EDNRB: variants seen among roughly 807,000 people sequenced by gnomAD.
The protein encoded by EDNRB is Hirschsprung disease 2.
In EDNRB, 18 loss-of-function variants were observed where a neutral mutation model predicts 46.4. That is an observed-to-expected ratio of 0.39 (90% CI 0.27 to 0.57). EDNRB has a LOEUF of 0.57. Ranked by LOEUF, EDNRB falls within the 20% of genes least tolerant of loss-of-function variation. The pLI, the probability that EDNRB is intolerant of heterozygous loss-of-function variation, is 0.61. For missense variants in EDNRB, 434 were observed against 537.5 expected, an observed-to-expected ratio of 0.81 and a Z score of 1.90; for synonymous variants, 213 against 204.9, an observed-to-expected ratio of 1.04 and a Z score of -0.34.
In EDNRB at chr13:77,917,202, C is replaced by T. The variant is rs1594372461; in HGVS notation, c.483+889G>A. Among the ~76,000 whole-genome samples, 3 of 152,248 alleles carry T rather than the reference C, an allele frequency of 2.0e-5. No individual in the cohort carries two copies. The South Asian group carries it at 6.2e-4, about 32-fold the overall frequency. On this transcript the variant is annotated intron_variant, in intron 1 of 6. Coordinates refer to ENST00000646607, the MANE Select transcript of EDNRB (RefSeq NM_001122659.3). ...TGGAACCTGACAGATTGGGTCTGAT[C>T]CCCAGCTCCACCTCTAATTCATTTA...
intron 1 of EDNRB, among the ~76,000 whole-genome samples, chr13:77,911,680 T>C (rs1007881495): frequency 6.6e-6 from 1 of 152,038 alleles, no homozygotes; most frequent in Non-Finnish European, 1.5e-5. Context: ...TCTCTCCCTC[T>C]CTCCCATCCA....
intron 1 of EDNRB, among the ~76,000 whole-genome samples, chr13:77,940,745 C>A (rs1236964012): frequency 6.8e-6 from 1 of 146,532 alleles, no homozygotes; most frequent in Non-Finnish European, 1.5e-5. Context: ...GTGTGTAGGT[C>A]ATGATGCACA....
chr13:77,952,088 G>T (rs1220489433), intron 1 of EDNRB, among the ~76,000 whole-genome samples: 1 of 152,154 alleles, frequency 6.6e-6, no homozygotes, highest in Non-Finnish European at 1.5e-5. Flanking sequence ...CAGATCCCAA[G>T]AGAGGGCTCT....
chr13:77,943,044 G>T (rs1594388512), intron 1 of EDNRB, among the ~76,000 whole-genome samples: 1 of 152,204 alleles, frequency 6.6e-6, no homozygotes, highest in Non-Finnish European at 1.5e-5. Flanking sequence ...GTCTAAAATA[G>T]AAATCAATTC....
At chr13:77,969,250 A>G (rs1160746165) in intron 1 of EDNRB, among the ~76,000 whole-genome samples, 1 of 152,214 alleles carries the variant, frequency 6.6e-6, no homozygotes, top group Non-Finnish European at 1.5e-5. Flanking sequence ...GTTCATTTTA[A>G]AAGTTAATTC....
chr13:77,964,179 TA>T (rs1881511755), intron 1 of EDNRB, among the ~76,000 whole-genome samples: 1 of 152,216 alleles, frequency 6.6e-6, no homozygotes, highest in Admixed American at 6.5e-5. Flanking sequence ...GGTGGGGCTG[TA>T]AACTAGTTCA....
intron 1 of EDNRB, among the ~76,000 whole-genome samples, chr13:77,904,560 A>G (rs1879175405): frequency 6.6e-6 from 1 of 151,966 alleles, no homozygotes; most frequent in Admixed American, 6.6e-5. Flanking sequence ...GCAAGAAGAC[A>G]TAGTTATTGC....
chr13:77,935,866 T>TAC (rs1880546239), intron 1 of EDNRB, among the ~76,000 whole-genome samples: 3 of 152,080 alleles, frequency 2.0e-5, no homozygotes, highest in Non-Finnish European at 4.4e-5. Context: ...TAGGAGAGTA[T>TAC]ATGGGTTTGG....
At chr13:77,910,631 C>A (rs1420139656) in intron 1 of EDNRB, among the ~76,000 whole-genome samples, 2 of 151,966 alleles carry the variant, frequency 1.3e-5, no homozygotes, top group Non-Finnish European at 2.9e-5. Context: ...CATCAGAATG[C>A]CCTTAATCAC....
chr13:77,969,319 G>A lies in EDNRB; in HGVS notation c.-52+6028C>T, dbSNP rs146328518. 7.2e-5 allele frequency among the ~76,000 whole-genome samples: 11 copies of A among 152,312 alleles called. No homozygotes were observed. In the East Asian group the frequency reaches 2.1e-3, roughly 29 times the overall value. On this transcript the variant is annotated intron_variant, in intron 1 of 7. Transcript: ENST00000646948. ...GAAATTAATTTACACACTCAGGATT[G>A]CTGTTTGCAAAGACCATTTGTTTTT...
At chr13:77,944,006 G>A (rs1880828086) in intron 1 of EDNRB, among the ~76,000 whole-genome samples, 1 of 152,076 alleles carries the variant, frequency 6.6e-6, no homozygotes, top group South Asian at 2.1e-4. Flanking sequence ...TTATAGTCAA[G>A]CGAAATGACC....
intron 1 of EDNRB, among the ~76,000 whole-genome samples, chr13:77,928,520 G>A (rs997589708): frequency 6.6e-6 from 1 of 152,190 alleles, no homozygotes; most frequent in African/African-American, 2.4e-5. Flanking sequence ...CAAGAGGAAT[G>A]TCTTTCCTGA....
chr13:77,938,188 G>A (rs552025147), intron 1 of EDNRB, among the ~76,000 whole-genome samples: 129 of 152,162 alleles, frequency 8.5e-4, no homozygotes, highest in Middle Eastern at 6.8e-3. Context: ...AAGGAGGCAA[G>A]CCCAGAGAAA....
At chr13:77,898,885 G>A (rs1191935647) in intron 6 of EDNRB, among the ~76,000 whole-genome samples, 3 of 151,924 alleles carry the variant, frequency 2.0e-5, no homozygotes, top group African/African-American at 4.8e-5. Flanking sequence ...TCATGTCAAT[G>A]AATTTAATAC....
At chr13:77,928,379 T>A (rs913043326) in intron 1 of EDNRB, among the ~76,000 whole-genome samples, 15 of 152,226 alleles carry the variant, frequency 9.9e-5, no homozygotes, top group African/African-American at 3.6e-4. Flanking sequence ...TTAGGAAATA[T>A]TTCATTCCCT....
chr13:77,955,834 T>C (rs570488024), intron 1 of EDNRB, among the ~76,000 whole-genome samples: 10 of 148,790 alleles, frequency 6.7e-5, no homozygotes, highest in Admixed American at 1.4e-4. Flanking sequence ...GGGGTGTGTG[T>C]ATGTGTGTGT....
Position 77,918,039 on chromosome 13 carries a change from CA to C in EDNRB, c.483+51del. On this transcript the variant is annotated intron_variant, in intron 1 of 6. Transcript: ENST00000646607. The surrounding 1 kb of genome is among the most constrained non-coding windows in gnomAD (Gnocchi z 4.5). Reference sequence around the variant, plus strand: ...ACAAGCTTTCTCATCTCCCCGTCTCCAACCAGGCCCCCTTCCTCAAGCCCAC... The same window carrying C: ...ACAAGCTTTCTCATCTCCCCGTCTCCACCAGGCCCCCTTCCTCAAGCCCAC... 4.3e-6 allele frequency: 7 copies of C among 1,612,788 alleles called. No individual in the cohort carries two copies. The South Asian group carries it at 7.7e-5, about 18-fold the overall frequency.
intron 1 of EDNRB, among the ~76,000 whole-genome samples, chr13:77,936,796 G>C (rs531917309): frequency 6.6e-6 from 1 of 152,222 alleles, no homozygotes; most frequent in African/African-American, 2.4e-5. Context: ...AGATCCTGAT[G>C]GAGGAAGTCT....
chr13:77,922,911 G>T (rs558449513), upstream of EDNRB, among the ~76,000 whole-genome samples: 4 of 152,168 alleles, frequency 2.6e-5, no homozygotes, highest in East Asian at 1.9e-4. Flanking sequence ...CTGTTAAAAC[G>T]CTCATTAAGA....
Sources: gnomAD v4.1 joint callset for allele counts (sites outside exome capture counted in the v4.1 genomes callset) on GRCh38, gnomAD v4.1.1 for gene constraint, Gnocchi (gnomAD v3.1) non-coding constraint, MANE v1.5 for transcripts, NCBI Gene and HGNC (gene_info 2026-07-23, HGNC 2026-07-21) for gene names.